The following ZMAT4 variants were observed in gnomAD, a reference collection of about 807,000 sequenced individuals.
ZMAT4 encodes zinc finger matrin-type 4.
ZMAT4 carries 17 observed loss-of-function variants against 28.7 expected under a neutral mutation model. The ratio of observed to expected loss-of-function variants is 0.59; its 90% confidence interval spans 0.41 to 0.89. The LOEUF is 0.89. Among genes scored for constraint, ZMAT4 ranks in the 40% least tolerant of loss-of-function variants. The pLI, the probability that ZMAT4 is intolerant of heterozygous loss-of-function variation, is 0.00. For synonymous variants in ZMAT4, 117 were observed against 109.2 expected, an observed-to-expected ratio of 1.07 and a Z score of -0.44; for missense variants, 240 against 283.8, an observed-to-expected ratio of 0.85 and a Z score of 1.11.
At chr8:40,820,990 T>C (rs1469051423) in intron 2 of ZMAT4, among the ~76,000 whole-genome samples, 2 of 149,070 alleles carry the variant, frequency 1.3e-5, no homozygotes, top group African/African-American at 2.4e-5. Flanking sequence ...TGTGTGTTTA[T>C]GTGTGTGTAT....
chr8:40,684,074 A>C (rs1809292064), intron 4 of ZMAT4, among the ~76,000 whole-genome samples: 1 of 152,156 alleles, frequency 6.6e-6, no homozygotes, highest in Non-Finnish European at 1.5e-5. Flanking sequence ...TTAGAAAAAA[A>C]AAAAAATCAG....
chr8:40,741,015 C>T (rs1191563677), intron 3 of ZMAT4, among the ~76,000 whole-genome samples: 2 of 151,968 alleles, frequency 1.3e-5, no homozygotes, highest in Admixed American at 1.3e-4. Context: ...CACACACACA[C>T]ACACACGCAC....
intron 2 of ZMAT4, among the ~76,000 whole-genome samples, chr8:40,804,772 T>C (rs7009979): frequency 0.57 from 86,038 of 151,360 alleles, 24,654 homozygotes; most frequent in East Asian, 0.65. Context: ...ACCCGGGAGG[T>C]GGAGGTTGCA....
intron 4 of ZMAT4, among the ~76,000 whole-genome samples, chr8:40,695,503 C>T (rs1335844842): frequency 6.6e-6 from 1 of 152,230 alleles, no homozygotes; most frequent in East Asian, 1.9e-4. Flanking sequence ...ACACCCTATT[C>T]GTTCCCTTCT....
At chr8:40,670,068 A>T (rs770565400) in intron 5 of ZMAT4, among the ~76,000 whole-genome samples, 24 of 152,210 alleles carry the variant, frequency 1.6e-4, no homozygotes, top group Non-Finnish European at 3.4e-4. Flanking sequence ...TTATATAGAC[A>T]TTTAAAGGAT....
In ZMAT4 at chr8:40,859,757, A is replaced by T. The variant is rs763398159; in HGVS notation, c.-4-34077T>A. Among the ~76,000 whole-genome samples, 5 of 152,120 alleles carry T rather than the reference A, an allele frequency of 3.3e-5. No individual in the cohort carries two copies. The East Asian group carries it at 5.8e-4, about 18-fold the overall frequency. The stretch of plus-strand genomic sequence containing the variant: ...AACCAAGCTTCTAAAAGAGCCCTTG[A>T]TGACTATGAGCAGCCAAGTTAGGTC... On this transcript the variant is annotated intron_variant, in intron 1 of 6. Transcript: ENST00000297737.
intron 4 of ZMAT4, among the ~76,000 whole-genome samples, chr8:40,682,838 CACTT>C (rs1809236378): frequency 1.3e-5 from 2 of 152,270 alleles, no homozygotes; most frequent in Middle Eastern, 3.4e-3. Context: ...TAGTTTCAGT[CACTT>C]GAATAAGTTC....
intron 1 of ZMAT4, among the ~76,000 whole-genome samples, chr8:40,836,900 T>C (rs961009336): frequency 3.9e-4 from 59 of 152,180 alleles, no homozygotes; most frequent in African/African-American, 1.2e-3. Flanking sequence ...GATAGTGAGA[T>C]GATGATGATC....
intron 6 of ZMAT4, 81 bp downstream of exon 6, chr8:40,581,084 T>C: frequency 8.8e-7 from 1 of 1,130,204 alleles, no homozygotes; most frequent in South Asian, 1.4e-5. Flanking sequence ...TATTTAGAAA[T>C]AGATGAAATG....
At chr8:40,698,712 T>C (rs998713107) in intron 3 of ZMAT4, among the ~76,000 whole-genome samples, 5 of 152,358 alleles carry the variant, frequency 3.3e-5, no homozygotes, top group Middle Eastern at 3.4e-3. Flanking sequence ...AATGAATTCC[T>C]TCCTCCTTAA....
At chr8:40,778,690 AG>A (rs1813703297) in intron 2 of ZMAT4, among the ~76,000 whole-genome samples, 1 of 152,248 alleles carries the variant, frequency 6.6e-6, no homozygotes, top group Non-Finnish European at 1.5e-5. Flanking sequence ...TAGGGGAAGA[AG>A]GAACATGCTG....
intron 5 of ZMAT4, among the ~76,000 whole-genome samples, chr8:40,664,930 T>A (rs760595717): frequency 1.3e-5 from 2 of 152,224 alleles, no homozygotes; most frequent in Non-Finnish European, 2.9e-5. Flanking sequence ...CACATTGACA[T>A]GACTAAGATG....
chr8:40,691,733 A>G (rs1809673832), intron 4 of ZMAT4, among the ~76,000 whole-genome samples: 1 of 152,192 alleles, frequency 6.6e-6, no homozygotes, highest in Admixed American at 6.5e-5. Context: ...TATTTTACTT[A>G]TATCTTCTGC....
intron 1 of ZMAT4, among the ~76,000 whole-genome samples, chr8:40,846,903 C>T (rs1160041715): frequency 6.6e-6 from 1 of 152,138 alleles, no homozygotes; most frequent in Admixed American, 6.5e-5. Flanking sequence ...TTCCCAATCC[C>T]TTATAAAAAA....
At chr8:40,658,086 T>G (rs1808008595) in intron 5 of ZMAT4, among the ~76,000 whole-genome samples, 2 of 152,208 alleles carry the variant, frequency 1.3e-5, no homozygotes. Flanking sequence ...GAATATTTTA[T>G]TTTTCAGATT....
Position 40,825,642 on chromosome 8 carries a change from G to A in ZMAT4, c.35C>T (p.Thr12Ile). The A allele has an allele frequency of 6.4e-7, 1 of 1,555,568 alleles. No homozygotes were observed. The change falls in exon 2 of 7, where the codon ACA (threonine) becomes ATA (isoleucine). Residue 12 changes from threonine (T) to isoleucine (I), a missense_variant. Physicochemically the swap from Thr to Ile is moderately conservative, Grantham distance 89 (BLOSUM62 -1). Coordinates refer to ENST00000297737, the MANE Select transcript of ZMAT4 (RefSeq NM_024645.3). ...KSSDIDQDLFTDSYCKVCSAQ... is the reference protein window; with the variant it reads ...KSSDIDQDLFIDSYCKVCSAQ... Reference sequence around the variant, plus strand: ...ACTGCACACCTTGCAGTAACTGTCTGTGAATAAATCCTGATCAATATCGGA... The same window carrying A: ...ACTGCACACCTTGCAGTAACTGTCTATGAATAAATCCTGATCAATATCGGA...
intron 1 of ZMAT4, among the ~76,000 whole-genome samples, chr8:40,893,199 G>T (rs952819759): frequency 6.6e-6 from 1 of 152,124 alleles, no homozygotes; most frequent in Non-Finnish European, 1.5e-5. Flanking sequence ...CATCTTCCGA[G>T]CTGCCCTCAT....
At chr8:40,815,273 C>A (rs1200429531) in intron 2 of ZMAT4, among the ~76,000 whole-genome samples, 1 of 151,628 alleles carries the variant, frequency 6.6e-6, no homozygotes, top group Non-Finnish European at 1.5e-5. Context: ...AGACTCCATC[C>A]AAAAATAAAA....
At chr8:40,778,834 C>T (rs1307881919) in intron 2 of ZMAT4, among the ~76,000 whole-genome samples, 1 of 152,156 alleles carries the variant, frequency 6.6e-6, no homozygotes, top group Non-Finnish European at 1.5e-5. Context: ...GAAAGAAAAA[C>T]AGGGAATTTC....
Sources: gnomAD v4.1 joint callset for allele counts (sites outside exome capture counted in the v4.1 genomes callset) on GRCh38, gnomAD v4.1.1 for gene constraint, MANE v1.5 for transcripts, NCBI Gene and HGNC (gene_info 2026-07-23, HGNC 2026-07-21) for gene names.